PRKDC: variants seen among roughly 807,000 people sequenced by gnomAD.
PRKDC encodes the protein protein kinase, DNA-activated, catalytic subunit.
PRKDC carries 82 observed loss-of-function variants against 486.9 expected under a neutral mutation model. The observed-to-expected ratio is 0.17, with a 90% CI of 0.14 to 0.20. PRKDC has a LOEUF of 0.20. PRKDC is among the 10% of genes least tolerant of loss of function. PRKDC has a pLI of 1.00. For synonymous variants in PRKDC, 1,895 were observed against 1,837.0 expected, an observed-to-expected ratio of 1.03 and a Z score of -0.81; for missense variants, 4,504 against 5,038.2, an observed-to-expected ratio of 0.89 and a Z score of 3.21.
intron 69 of PRKDC, 124 bp from the exon 70 acceptor site, chr8:47,803,604 T>A: frequency 1.2e-6 from 1 of 800,954 alleles, no homozygotes; most frequent in East Asian, 2.4e-5. Context: ...TCCATTTCTT[T>A]AGCTTCAATT....
intron 55 of PRKDC, among the ~76,000 whole-genome samples, chr8:47,839,665 A>G (rs2088099689): frequency 6.6e-6 from 1 of 152,256 alleles, no homozygotes. Context: ...AAAAGGATAC[A>G]ATTAGATATA....
Position 47,821,622 on chromosome 8 carries a change from C to A in PRKDC, c.9093G>T (p.Trp3031Cys), listed in dbSNP as rs1170077085. 6.3e-7 allele frequency: 1 copy of A among 1,598,402 alleles called. No individual in the cohort carries two copies. The highest frequency in any genetic ancestry group is 8.5e-7 in the Non-Finnish European group (1 of 1,171,072). ...TACCCACCTGATAAAATGGTTCACT[C>A]CAGATTTTATTTAGGTCTGGGGGGT... ...SENPPDLNKI[W>C]SEPFYQETYL... The change falls in exon 65 of 86, where the codon TGG (tryptophan) becomes TGT (cysteine). Residue 3031 changes from tryptophan to cysteine, a missense_variant. Physicochemically the swap from Trp to Cys is radical, Grantham distance 215. Transcript: ENST00000314191.
rs1013480060 is a variant in PRKDC at position 47,777,730 on chromosome 8, T to C, written c.11998A>G (p.Asn4000Asp). 4 of 1,611,622 alleles carry C rather than the reference T, an allele frequency of 2.5e-6. No homozygotes were observed. Among genetic ancestry groups the C allele is most frequent in the Non-Finnish European group, 2.5e-6 (3 of 1,178,070 alleles). The change falls in exon 84 of 86, where the codon AAC becomes GAC. Residue 4000 changes from asparagine (N) to aspartate (D), a missense_variant. By Grantham distance (23) the Asn-to-Asp change is conservative. Coordinates refer to ENST00000314191, the MANE Select transcript of PRKDC (RefSeq NM_006904.7). ...TCCTTGACAAACACATCCATGGTGT[T>C]GGTGAGCAGGCCAGGGTCTGAGCGG... is the stretch of plus-strand genomic sequence containing the variant. ...AFRSDPGLLT[N>D]TMDVFVKEPS...
At chr8:47,820,065 C>T (rs1013077173) in intron 66 of PRKDC, among the ~76,000 whole-genome samples, 4 of 152,050 alleles carry the variant, frequency 2.6e-5, no homozygotes, top group African/African-American at 9.7e-5. Flanking sequence ...AAAGATCAAC[C>T]CCTGCTCTTC....
chr8:47,894,558 C>T (rs546150093), intron 30 of PRKDC, among the ~76,000 whole-genome samples: 13 of 152,144 alleles, frequency 8.5e-5, no homozygotes, highest in Non-Finnish European at 1.6e-4. Flanking sequence ...CCCAGCCCTA[C>T]TTCTTCCTTG....
intron 7 of PRKDC, among the ~76,000 whole-genome samples, chr8:47,946,517 C>T (rs2090534646): frequency 6.6e-6 from 1 of 152,072 alleles, no homozygotes; most frequent in South Asian, 2.1e-4. Context: ...ACTGCCAGTT[C>T]CTCCTCCTCC....
At chr8:47,827,118 T>TCACACACACACA (rs61385951) in intron 62 of PRKDC, among the ~76,000 whole-genome samples, 8 of 128,240 alleles carry the variant, frequency 6.2e-5, no homozygotes, top group East Asian at 2.3e-4. Flanking sequence ...AATATGAAGA[T>TCACACACACACA]CACACACACA....
At chr8:47,950,995 TA>T (rs1302477582) in intron 7 of PRKDC, among the ~76,000 whole-genome samples, 2 of 151,914 alleles carry the variant, frequency 1.3e-5, no homozygotes, top group African/African-American at 2.4e-5. Flanking sequence ...ATAAAAAAAA[TA>T]AAAAAACTGA....
In PRKDC at chr8:47,955,461, CAAAAAAAAAA is replaced by C. The variant is rs746883720; in HGVS notation, c.399+403_399+412del. Reference sequence around the variant, plus strand: ...TGGGCGACAGAGCGAGACTCCGTCTCAAAAAAAAAAAAAAAAAAAAAAAAAAGAAAACATA... The same window carrying C: ...TGGGCGACAGAGCGAGACTCCGTCTCAAAAAAAAAAAAAAAAGAAAACATA... On this transcript the variant is annotated intron_variant, in intron 4 of 85. Coordinates refer to ENST00000314191, the MANE Select transcript of PRKDC (RefSeq NM_006904.7). 1.6e-4 allele frequency among the ~76,000 whole-genome samples: 3 copies of C among 18,536 alleles called. No homozygotes were observed. The East Asian group carries it at 4.0e-3, about 24-fold the overall frequency. The allele number at this position is 18,536 out of a possible 152,430, so 12.2% of individuals were successfully genotyped here.
chr8:47,820,332 G>T (rs1222461504), intron 66 of PRKDC, among the ~76,000 whole-genome samples: 2 of 151,964 alleles, frequency 1.3e-5, no homozygotes, highest in East Asian at 3.9e-4. Flanking sequence ...ACCAGATTGC[G>T]CCATTGCACT....
intron 25 of PRKDC, among the ~76,000 whole-genome samples, chr8:47,909,832 C>T (rs1260433519): frequency 2.0e-5 from 3 of 152,094 alleles, no homozygotes; most frequent in Admixed American, 6.6e-5. Flanking sequence ...TTGGGAAATT[C>T]CAGCCTGGTA....
intron 26 of PRKDC, among the ~76,000 whole-genome samples, chr8:47,903,520 C>T (rs1420545824): frequency 1.3e-5 from 2 of 152,086 alleles, no homozygotes; most frequent in Non-Finnish European, 2.9e-5. Context: ...TAACACAAGC[C>T]ATGGTAATGG....
chr8:47,850,673 A>G (rs1362645059), intron 52 of PRKDC, among the ~76,000 whole-genome samples: 1 of 152,242 alleles, frequency 6.6e-6, no homozygotes, highest in Non-Finnish European at 1.5e-5. Flanking sequence ...CGACAACACA[A>G]TGAAATGATC....
At chr8:47,868,236 T>A (rs534042720) in intron 40 of PRKDC, among the ~76,000 whole-genome samples, 1 of 151,978 alleles carries the variant, frequency 6.6e-6, no homozygotes, top group Admixed American at 6.6e-5. Context: ...TCCTGAAGGG[T>A]TTATGAACTA....
Position 47,859,006 on chromosome 8 carries a change from G to C in PRKDC, c.6208-20C>G. On this transcript the variant is annotated intron_variant, in intron 46 of 85. Coordinates refer to ENST00000314191, the MANE Select transcript of PRKDC (RefSeq NM_006904.7). ...CTGCTCCTGCGAAAGGGAGGGCCCA[G>C]GAGAGCAGAGGGTACAGTTAACATT... 2.5e-6 allele frequency: 4 copies of C among 1,610,420 alleles called. No homozygotes were observed. Among genetic ancestry groups the C allele is most frequent in the Non-Finnish European group, 3.4e-6 (4 of 1,179,784 alleles).
chr8:47,908,028 G>C (rs2089823231), intron 25 of PRKDC, among the ~76,000 whole-genome samples: 1 of 152,130 alleles, frequency 6.6e-6, no homozygotes, highest in South Asian at 2.1e-4. Context: ...ATACAGAGTG[G>C]AGAGTCCTGA....
At chr8:47,946,540 G>A (rs991927222) in intron 7 of PRKDC, among the ~76,000 whole-genome samples, 1 of 152,090 alleles carries the variant, frequency 6.6e-6, no homozygotes, top group South Asian at 2.1e-4. Flanking sequence ...AAACTCCACC[G>A]GATGCGAGGC....
intron 68 of PRKDC, among the ~76,000 whole-genome samples, chr8:47,816,114 T>C (rs1369852375): frequency 6.6e-6 from 1 of 151,948 alleles, no homozygotes; most frequent in Non-Finnish European, 1.5e-5. Flanking sequence ...CTTGGGGGGT[T>C]GAGGCAGGAG....
chr8:47,821,216 T>G (rs922201060), intron 65 of PRKDC, among the ~76,000 whole-genome samples: 32 of 152,100 alleles, frequency 2.1e-4, no homozygotes, highest in African/African-American at 5.8e-4. Context: ...ACGTACAAAC[T>G]GAGGAATTTA....
Sources: allele counts gnomAD v4.1 joint callset (sites outside exome capture counted in the v4.1 genomes callset), GRCh38; gene constraint gnomAD v4.1.1; transcripts MANE v1.5; gene names NCBI Gene and HGNC (gene_info 2026-07-23, HGNC 2026-07-21).